Variants in ABLIM2 observed in about 807,000 individuals in gnomAD.
The protein encoded by ABLIM2 is actin binding LIM protein family member 2, also known as actin-binding LIM protein 2.
Under a neutral mutation model 97.7 loss-of-function variants are expected in ABLIM2, and 53 were observed. The ratio of observed to expected loss-of-function variants is 0.54; its 90% CI spans 0.44 to 0.68. The LOEUF is 0.68. ABLIM2 is among the 30% of genes least tolerant of loss of function. The pLI, the probability that ABLIM2 is intolerant of heterozygous loss-of-function variation, is 0.00. For missense variants in ABLIM2, 835 were observed against 867.2 expected (o/e 0.96, Z 0.47); for synonymous variants, 361 against 345.8 (o/e 1.04, Z -0.49).
At chr4:7,982,187 C>T (rs1456461976) in intron 20 of ABLIM2, among the ~76,000 whole-genome samples, 3 of 150,574 alleles carry the variant, frequency 2.0e-5, no homozygotes, top group South Asian at 4.5e-4. Flanking sequence ...GCGGCATCCA[C>T]GCCCCTCCAA....
At chr4:8,135,545 G>A (rs1006732239) in intron 1 of ABLIM2, among the ~76,000 whole-genome samples, 1 of 152,246 alleles carries the variant, frequency 6.6e-6, no homozygotes, top group Non-Finnish European at 1.5e-5. Context: ...TGAGGACACA[G>A]TGAGAAGACG....
At chr4:7,975,518 C>T (rs1732281507) in intron 20 of ABLIM2, among the ~76,000 whole-genome samples, 1 of 152,204 alleles carries the variant, frequency 6.6e-6, no homozygotes, top group Non-Finnish European at 1.5e-5. Flanking sequence ...CCTGCATCCC[C>T]TTGGCCATGC....
At chr4:8,104,578 G>T (rs184470087) in intron 2 of ABLIM2, among the ~76,000 whole-genome samples, 151 of 152,312 alleles carry the variant, frequency 9.9e-4, no homozygotes, top group African/African-American at 3.5e-3. Flanking sequence ...ATCTCTGAAG[G>T]TCGGGGCTGG....
At position 8,127,633 on chromosome 4, in the gene ABLIM2, T is replaced by C. The variant is rs1006641353; in HGVS notation, c.11-20996A>G. 1 of 1,288,674 alleles carries C rather than the reference T, an allele frequency of 7.8e-7. No individual in the cohort carries two copies. The highest frequency in any genetic ancestry group is 1.0e-6 in the Non-Finnish European group (1 of 988,072). The allele number at this position is 1,288,674 out of a possible 1,614,324, so 79.8% of individuals were successfully genotyped here. A position where few individuals can be genotyped will look rare whatever the true frequency, so the allele number is the denominator to read the frequency against. On this transcript the variant is annotated intron_variant, in intron 1 of 20. Coordinates refer to ENST00000447017, the MANE Select transcript of ABLIM2 (RefSeq NM_001130083.2). This position sits in a 1 kb window ranked among gnomAD's most constrained non-coding sequence, Gnocchi z 7.3. ...GGCTCTCCCTCTGCGTGGCTGGGCC[T>C]GGCACCCACGGAGGATCGGGCAGGA...
chr4:8,051,168 C>G (rs548131085), intron 8 of ABLIM2, among the ~76,000 whole-genome samples: 18 of 152,250 alleles, frequency 1.2e-4, no homozygotes, highest in South Asian at 2.1e-4. Flanking sequence ...AGCCACCCCC[C>G]ACCCCGCCCT....
rs767969610 is a variant in ABLIM2 at position 7,967,074 on chromosome 4, T to A, written c.1854A>T (p.Glu618Asp). The A allele has an allele frequency of 6.2e-7, 1 of 1,613,700 alleles. No homozygotes were observed. Among genetic ancestry groups the A allele is most frequent in the South Asian group, 1.1e-5 (1 of 91,074 alleles). The change falls in exon 21 of 21, where the codon GAA becomes GAT. Residue 618 changes from glutamate to aspartate, a missense_variant. Physicochemically the swap from Glu to Asp is conservative, Grantham distance 45. Coordinates refer to ENST00000447017, the MANE Select transcript of ABLIM2 (RefSeq NM_001130083.2). ...ACTCCTCGATGCTCATCCCAAACAC[T>A]TCCTGGAACTCCTCGGGCGACAAGT... The part of the protein sequence containing the change: ...ERHLSPEEFQ[E>D]VFGMSIEEFD...
At chr4:8,025,779 CAGA>C (rs765404195) in intron 12 of ABLIM2, among the ~76,000 whole-genome samples, 90 of 152,242 alleles carry the variant, frequency 5.9e-4, no homozygotes, top group Middle Eastern at 3.4e-3. Flanking sequence ...ACAGCCACAC[CAGA>C]AGGAGGGCTG....
intron 3 of ABLIM2, among the ~76,000 whole-genome samples, chr4:8,092,014 T>C (rs1269930227): frequency 7.0e-6 from 1 of 142,890 alleles, no homozygotes; most frequent in Non-Finnish European, 1.5e-5. Flanking sequence ...TATATATTTT[T>C]TGAGACAGAG....
chr4:7,972,005 G>C (rs779737606), intron 20 of ABLIM2, among the ~76,000 whole-genome samples: 52 of 152,176 alleles, frequency 3.4e-4, no homozygotes, highest in Non-Finnish European at 6.6e-4. Flanking sequence ...GCACAAGGAG[G>C]CCCTGCATAC....
chr4:8,131,778 TC>T (rs1386674459), intron 1 of ABLIM2, among the ~76,000 whole-genome samples: 1 of 76,728 alleles, frequency 1.3e-5, no homozygotes, highest in African/African-American at 6.9e-5. Flanking sequence ...GCAGCCCGCA[TC>T]CCCTGCACAG....
rs946098005 is a variant in ABLIM2, at chr4:8,043,128, G to C, written c.900+2036C>G. On this transcript the variant is annotated intron_variant, in intron 9 of 20. Transcript: ENST00000447017. This position sits in a 1 kb window ranked among gnomAD's most constrained non-coding sequence, Gnocchi z 4.8. ...GATCTCACCACTGCACTCCAGCCTG[G>C]GCGACAGAGCCAGACCTTGTCTCAA... 8.5e-5 allele frequency among the ~76,000 whole-genome samples: 13 copies of C among 152,266 alleles called. No individual in the cohort carries two copies. The highest frequency in any genetic ancestry group is 2.9e-4 in the African/African-American group (12 of 41,560).
At chr4:8,094,056 C>A (rs1314260750) in intron 3 of ABLIM2, among the ~76,000 whole-genome samples, 2 of 152,096 alleles carry the variant, frequency 1.3e-5, no homozygotes, top group African/African-American at 4.8e-5. Flanking sequence ...CTTTTTAATG[C>A]TGTGTCTTCA....
intron 10 of ABLIM2, among the ~76,000 whole-genome samples, chr4:8,030,610 C>A (rs530002118): frequency 2.0e-5 from 3 of 152,216 alleles, no homozygotes; most frequent in Non-Finnish European, 4.4e-5. Flanking sequence ...GCGCTCAGGC[C>A]AGCCCTCATG....
chr4:8,108,294 C>A (rs1039106162), intron 1 of ABLIM2, among the ~76,000 whole-genome samples: 1 of 152,232 alleles, frequency 6.6e-6, no homozygotes, highest in African/African-American at 2.4e-5. Flanking sequence ...CAGCCCAGGG[C>A]GGGCTTTCAC....
chr4:8,080,046 C>A (rs1456454290), intron 5 of ABLIM2, among the ~76,000 whole-genome samples: 4 of 152,220 alleles, frequency 2.6e-5, no homozygotes, highest in African/African-American at 9.6e-5. Context: ...ACCCCCAGCT[C>A]CTGGCCCTGA....
At chr4:8,010,959 G>T (rs1453040843) in intron 14 of ABLIM2, among the ~76,000 whole-genome samples, 3 of 152,264 alleles carry the variant, frequency 2.0e-5, no homozygotes, top group African/African-American at 7.2e-5. Flanking sequence ...AGCCAGAGAA[G>T]GGCCCTGGGG....
intron 14 of ABLIM2, among the ~76,000 whole-genome samples, chr4:8,014,979 G>T (rs1459713832): frequency 2.7e-5 from 4 of 150,814 alleles, no homozygotes. Context: ...GGAGTGCAAT[G>T]GCACTAACTC....
At position 8,108,830 on chromosome 4, in the gene ABLIM2, G is replaced by A. The variant is rs181210237; in HGVS notation, c.11-2193C>T. ...GAAAGTTGCCTCCACTTGTCCTCAC[G>A]TCTTCCTTTATTTCCACAGCAGTCT... On this transcript the variant is annotated intron_variant, in intron 1 of 20. Transcript: ENST00000447017. Among the ~76,000 whole-genome samples the A allele has an allele frequency of 1.4e-4, 21 of 152,294 alleles. No individual in the cohort carries two copies. The East Asian group carries it at 3.5e-3, about 25-fold the overall frequency.
Position 8,113,202 on chromosome 4 carries a change from C to G in ABLIM2, c.11-6565G>C, listed in dbSNP as rs1407378680. Among the ~76,000 whole-genome samples the G allele has an allele frequency of 6.6e-6, 1 of 152,182 alleles. No individual in the cohort carries two copies. Among genetic ancestry groups the G allele is most frequent in the Admixed American group, 6.5e-5 (1 of 15,272 alleles). ...CTCAACCTCCCGGGATCAAGCCATCCTCCCACCTCAGCCTCCCGAGTAGCT... is the reference window on the plus strand; with the variant it reads ...CTCAACCTCCCGGGATCAAGCCATCGTCCCACCTCAGCCTCCCGAGTAGCT... On this transcript the variant is annotated intron_variant, in intron 1 of 20. Coordinates refer to ENST00000447017, the MANE Select transcript of ABLIM2 (RefSeq NM_001130083.2). The surrounding 1 kb of genome is among the most constrained non-coding windows in gnomAD (Gnocchi z 4.5).
Sources: allele counts gnomAD v4.1 joint callset (sites outside exome capture counted in the v4.1 genomes callset), GRCh38; gene constraint gnomAD v4.1.1; non-coding constraint Gnocchi (gnomAD v3.1); transcripts MANE v1.5; gene names NCBI Gene and HGNC (gene_info 2026-07-23, HGNC 2026-07-21).